The following RTN1 variants were observed in gnomAD, a reference collection of about 807,000 sequenced individuals.
RTN1 encodes reticulon 1, also known as reticulon-1.
Under a neutral mutation model 65.5 loss-of-function variants are expected in RTN1, and 25 were observed. The observed-to-expected ratio is 0.38, with a 90% CI of 0.28 to 0.53. The LOEUF (loss-of-function observed/expected upper bound fraction) is 0.53. Ranked by LOEUF, RTN1 falls within the 20% of genes least tolerant of loss-of-function variation. The pLI is 0.79. For synonymous variants in RTN1, 471 were observed against 447.6 expected (o/e 1.05, Z -0.66); for missense variants, 983 against 1,025.4 (o/e 0.96, Z 0.57).
At chr14:59,650,266 A>G (rs7153724) in intron 3 of RTN1, among the ~76,000 whole-genome samples, 121,669 of 152,172 alleles carry the variant, frequency 0.8, 48,750 homozygotes, top group Admixed American at 0.86. Context: ...CAGGGAAAGA[A>G]GAGGAAGAGC....
At chr14:59,610,944 GA>G (rs1187108350) in intron 3 of RTN1, among the ~76,000 whole-genome samples, 2 of 152,116 alleles carry the variant, frequency 1.3e-5, no homozygotes, top group Non-Finnish European at 1.5e-5. Context: ...CTGAGCACAA[GA>G]AGACTGCTTT....
intron 1 of RTN1, among the ~76,000 whole-genome samples, chr14:59,787,314 T>A (rs889974112): frequency 2.0e-5 from 3 of 152,132 alleles, no homozygotes; most frequent in Non-Finnish European, 4.4e-5. Context: ...TGCTTCTTAC[T>A]AGATGTAGAG....
intron 3 of RTN1, among the ~76,000 whole-genome samples, chr14:59,687,780 T>G (rs1883878483): frequency 6.6e-6 from 1 of 151,028 alleles, no homozygotes; most frequent in Non-Finnish European, 1.5e-5. Flanking sequence ...GGGGTCCTCT[T>G]CACTTCATGC....
intron 3 of RTN1, among the ~76,000 whole-genome samples, chr14:59,614,081 C>T (rs1380450242): frequency 6.6e-6 from 1 of 152,174 alleles, no homozygotes; most frequent in African/African-American, 2.4e-5. Flanking sequence ...CCCCACTACC[C>T]CCACTGGGAG....
chr14:59,653,511 T>C (rs1197433639), intron 3 of RTN1, among the ~76,000 whole-genome samples: 1 of 152,080 alleles, frequency 6.6e-6, no homozygotes, highest in African/African-American at 2.4e-5. Flanking sequence ...GACTGCATAA[T>C]ATGTAGTTTC....
intron 3 of RTN1, among the ~76,000 whole-genome samples, chr14:59,664,773 T>C (rs192331044): frequency 6.6e-6 from 1 of 152,330 alleles, no homozygotes; most frequent in African/African-American, 2.4e-5. Flanking sequence ...TGAAGAAAGC[T>C]TCTGACTATT....
rs796816944 is a variant in RTN1 at position 59,745,763 on chromosome 14, G to A, written c.960C>T (p.Val320=). 1 of 1,613,998 alleles carries A rather than the reference G, an allele frequency of 6.2e-7. No homozygotes were observed. ...PSPDTVPTVT[V]SEPEDDSPGS... ...CTGGGCTGTCGTCTTCAGGCTCCGAGACAGTGACAGTGGGGACTGTGTCAG... is the reference window on the plus strand; with the variant it reads ...CTGGGCTGTCGTCTTCAGGCTCCGAAACAGTGACAGTGGGGACTGTGTCAG... Residue 320 remains valine, a synonymous_variant, in exon 2 of 9, where the codon GTC becomes GTT. Transcript: ENST00000267484.
intron 3 of RTN1, among the ~76,000 whole-genome samples, chr14:59,652,882 GAGA>G (rs1319920361): frequency 6.6e-6 from 1 of 151,732 alleles, no homozygotes; most frequent in East Asian, 1.9e-4. Flanking sequence ...AGAACTGAAA[GAGA>G]AAAAAGCCTA....
intron 1 of RTN1, among the ~76,000 whole-genome samples, chr14:59,839,547 C>T (rs1887273693): frequency 6.6e-6 from 1 of 152,178 alleles, no homozygotes; most frequent in Non-Finnish European, 1.5e-5. Context: ...TATCCTTTGG[C>T]ACCCTCTAAT....
chr14:59,756,964 C>T (rs962592639), intron 1 of RTN1, among the ~76,000 whole-genome samples: 1 of 151,952 alleles, frequency 6.6e-6, no homozygotes, highest in African/African-American at 2.4e-5. Context: ...CCTGGGACTA[C>T]AGGCATGAGC....
At chr14:59,703,192 C>A (rs1225807632) in intron 3 of RTN1, among the ~76,000 whole-genome samples, 1 of 152,106 alleles carries the variant, frequency 6.6e-6, no homozygotes, top group Non-Finnish European at 1.5e-5. Flanking sequence ...TTCTAGCATA[C>A]TATATAATTT....
intron 3 of RTN1, among the ~76,000 whole-genome samples, chr14:59,661,049 A>C (rs1883233376): frequency 6.6e-6 from 1 of 152,046 alleles, no homozygotes; most frequent in Non-Finnish European, 1.5e-5. Flanking sequence ...AAAATGATAA[A>C]GGGTAGGTCA....
At chr14:59,721,487 G>A (rs144502626) in intron 3 of RTN1, among the ~76,000 whole-genome samples, 1 of 152,224 alleles carries the variant, frequency 6.6e-6, no homozygotes, top group Admixed American at 6.5e-5. Context: ...TCAAGCTTCA[G>A]TGTGATTATT....
chr14:59,750,306 A>AAT (rs370717289), intron 1 of RTN1, among the ~76,000 whole-genome samples: 1,240 of 25,006 alleles, frequency 0.05, 109 homozygotes, highest in Non-Finnish European at 0.064. Context: ...TATAATATAT[A>AAT]ATATATAATA....
At chr14:59,598,444 T>C (rs547354090) in intron 8 of RTN1, among the ~76,000 whole-genome samples, 1 of 152,300 alleles carries the variant, frequency 6.6e-6, no homozygotes, top group South Asian at 2.1e-4. Context: ...TAGAGAAACC[T>C]TACATAAATA....
At chr14:59,799,148 T>G (rs573419108) in intron 1 of RTN1, among the ~76,000 whole-genome samples, 4 of 152,194 alleles carry the variant, frequency 2.6e-5, no homozygotes, top group Non-Finnish European at 5.9e-5. Context: ...ACCTCGTGAT[T>G]TGAGATGAAA....
At chr14:59,841,622 A>G (rs1000506259) in intron 1 of RTN1, among the ~76,000 whole-genome samples, 9 of 151,852 alleles carry the variant, frequency 5.9e-5, no homozygotes, top group Admixed American at 2.6e-4. Context: ...CAGGAGAATC[A>G]CTTGAACCCA....
rs76047275 is a variant in RTN1 at position 59,829,646 on chromosome 14, G to T, written c.241+40744C>A. Reference sequence around the variant, plus strand: ...TTTCCTGCTCATGCTCCCTGTCCAGGCAGGTTGGCTTGGGGACTCTGCTCT... The same window carrying T: ...TTTCCTGCTCATGCTCCCTGTCCAGTCAGGTTGGCTTGGGGACTCTGCTCT... On this transcript the variant is annotated intron_variant, in intron 1 of 8. Transcript: ENST00000267484. The surrounding 1 kb of genome is among the most constrained non-coding windows in gnomAD (Gnocchi z 4.3). Among the ~76,000 whole-genome samples the T allele has an allele frequency of 0.012, 1,839 of 152,320 alleles. 35 individuals carry two copies. The highest frequency in any genetic ancestry group is 0.041 in the African/African-American group (1,694 of 41,558).
chr14:59,602,538 G>A (rs1418675986), intron 8 of RTN1, among the ~76,000 whole-genome samples: 1 of 152,012 alleles, frequency 6.6e-6, no homozygotes, highest in East Asian at 1.9e-4. Context: ...AAAAAGCAGT[G>A]GTATTAAACA....
Sources: gnomAD v4.1 joint callset for allele counts (sites outside exome capture counted in the v4.1 genomes callset) on GRCh38, gnomAD v4.1.1 for gene constraint, Gnocchi (gnomAD v3.1) non-coding constraint, MANE v1.5 for transcripts, NCBI Gene and HGNC (gene_info 2026-07-23, HGNC 2026-07-21) for gene names.